NEXMIF: variants seen among roughly 807,000 people sequenced by gnomAD.
NEXMIF encodes the protein XLMR protein related to neurite extension.
In NEXMIF, 8 loss-of-function variants were observed where a neutral mutation model predicts 62.1. The observed-to-expected ratio is 0.13, with a 90% CI of 0.08 to 0.23. NEXMIF has a LOEUF of 0.23. NEXMIF is among the 10% of genes least tolerant of loss of function. The pLI, the probability that NEXMIF is intolerant of heterozygous loss-of-function variation, is 1.00. For synonymous variants in NEXMIF, 404 were observed against 416.6 expected (o/e 0.97, Z 0.37); for missense variants, 976 against 1,113.3 (o/e 0.88, Z 1.75).
chrX:74,823,016 G>A (rs1447591813), intron 1 of NEXMIF, among the ~76,000 whole-genome samples: 8 of 111,549 alleles, frequency 7.2e-5, no homozygotes, highest in Admixed American at 9.5e-5. Flanking sequence ...ATATTATTCC[G>A]CTGCAAAAAG....
chrX:74,887,598 T>TC (rs1249992267), intron 1 of NEXMIF, among the ~76,000 whole-genome samples: 7 of 111,092 alleles, frequency 6.3e-5, no homozygotes, highest in Admixed American at 2.9e-4. Context: ...CACAATGAGA[T>TC]ACCATCTCAC....
Position 74,742,836 on chromosome X carries a change from T to C in NEXMIF, c.1721A>G (p.Gln574Arg). ...TGCCAGCTTGGCATATTTGTTGAGC[T>C]GATTCTCACTCAAATTCACTGTTGT... ...SETTVNLSEN[Q>R]LNKYAKLAPL... is the part of the protein sequence containing the mutation. The change falls in exon 3 of 4, where the codon CAG (glutamine) becomes CGG (arginine). Residue 574 changes from glutamine (Q) to arginine (R), a missense_variant. Gln to Arg is a conservative substitution (Grantham distance 43, BLOSUM62 1). This residue lies in a region of NEXMIF where 639 missense variants were observed against 694.5 expected (regional missense o/e 0.92). Transcript: ENST00000055682. 3 of 1,211,581 alleles carry C rather than the reference T, an allele frequency of 2.5e-6. No individual in the cohort carries two copies. Among genetic ancestry groups the C allele is most frequent in the Non-Finnish European group, 3.4e-6 (3 of 895,359 alleles).
intron 1 of NEXMIF, among the ~76,000 whole-genome samples, chrX:74,836,317 G>A (rs1306356479): frequency 5.3e-5 from 6 of 112,614 alleles, no homozygotes; most frequent in African/African-American, 1.9e-4. Flanking sequence ...GGTGCAAGAC[G>A]AAGTCCCCTT....
intron 1 of NEXMIF, among the ~76,000 whole-genome samples, chrX:74,878,850 G>A (rs916412985): frequency 4.5e-5 from 5 of 112,105 alleles, no homozygotes; most frequent in Non-Finnish European, 7.5e-5. Flanking sequence ...GCTTCAGCTC[G>A]CGCATGGTGC....
rs187523550 is a variant in NEXMIF at position 74,758,390 on chromosome X, A to G, written c.-47-12693T>C. The stretch of plus-strand genomic sequence containing the variant: ...CTCATTTAGATAAAAAGTCTAGAAC[A>G]AGAGGACTCAAAACTGATTTAAAAA... On this transcript the variant is annotated intron_variant, in intron 1 of 3. Transcript: ENST00000055682. Among the ~76,000 whole-genome samples the G allele has an allele frequency of 6.3e-5, 7 of 111,688 alleles. No homozygotes were observed. In the Admixed American group the frequency reaches 6.7e-4, roughly 11 times the overall value.
chrX:74,791,458 C>T (rs2147464609), intron 1 of NEXMIF, among the ~76,000 whole-genome samples: 2 of 110,854 alleles, frequency 1.8e-5, no homozygotes, highest in Non-Finnish European at 3.8e-5. Context: ...TGTGTCTCTG[C>T]CTGGCTTTGG....
At chrX:74,884,001 T>G (rs1222677791) in intron 1 of NEXMIF, among the ~76,000 whole-genome samples, 1 of 112,081 alleles carries the variant, frequency 8.9e-6, no homozygotes, top group Non-Finnish European at 1.9e-5. Context: ...TCAACATTCT[T>G]AAAGAAAAGA....
chrX:74,872,104 C>T (rs2080603718), intron 1 of NEXMIF, among the ~76,000 whole-genome samples: 1 of 111,472 alleles, frequency 9.0e-6, no homozygotes, highest in African/African-American at 3.3e-5. Flanking sequence ...AAAGTATTAA[C>T]TTTGGAAACT....
intron 1 of NEXMIF, among the ~76,000 whole-genome samples, chrX:74,896,994 C>T (rs1371589117): frequency 8.9e-6 from 1 of 112,229 alleles, no homozygotes; most frequent in African/African-American, 3.2e-5. Flanking sequence ...TTGATATCTA[C>T]TAGCATACAA....
rs750696102 is a variant in NEXMIF at position 74,813,180 on chromosome X, A to C, written c.-47-67483T>G. On this transcript the variant is annotated intron_variant, in intron 1 of 3. Coordinates refer to ENST00000055682, the MANE Select transcript of NEXMIF (RefSeq NM_001008537.3). ...TAAGGAGGTGGAATAAGTAGATGGC[A>C]TAGCCTTAATTAAACAAAAGGAAGC... Among the ~76,000 whole-genome samples the C allele has an allele frequency of 4.5e-5, 5 of 110,887 alleles. No homozygotes were observed. In the East Asian group the frequency reaches 1.4e-3, roughly 31 times the overall value.
intron 1 of NEXMIF, among the ~76,000 whole-genome samples, chrX:74,911,265 C>A (rs1306549331): frequency 1.8e-5 from 2 of 111,217 alleles, no homozygotes; most frequent in Admixed American, 9.6e-5. Flanking sequence ...ACTAAAAATA[C>A]AAAAATTAGC....
rs1388842555 is a variant in NEXMIF at position 74,741,255 on chromosome X, C to A, written c.3302G>T (p.Gly1101Val). 2.5e-6 allele frequency: 3 copies of A among 1,211,232 alleles called. No homozygotes were observed. Among genetic ancestry groups the A allele is most frequent in the South Asian group, 1.8e-5 (1 of 56,941 alleles). ...CACACTGTCCAATGGTCCTGGGACACCCTCTTGGAACCCCTTTAGTGTTCC... is the reference window on the plus strand; with the variant it reads ...CACACTGTCCAATGGTCCTGGGACAACCTCTTGGAACCCCTTTAGTGTTCC... ...TLGTLKGFQE[G>V]VPGPLDSVEK... Residue 1101 changes from glycine (G) to valine (V), a missense_variant, in exon 3 of 4, where the codon GGT becomes GTT. By Grantham distance (109) the Gly-to-Val change is moderately radical. Transcript: ENST00000055682.
At position 74,742,081 on chromosome X, in the gene NEXMIF, T is replaced by C. The variant is rs930264514; in HGVS notation, c.2476A>G (p.Asn826Asp). Residue 826 changes from asparagine (N) to aspartate (D), a missense_variant, in exon 3 of 4, where the codon AAT becomes GAT. By Grantham distance (23) the Asn-to-Asp change is conservative (BLOSUM62 1). Around this residue, in one of 5 missense-constraint regions of NEXMIF, gnomAD observed 639 missense variants for 694.5 expected, o/e 0.92. Coordinates refer to ENST00000055682, the MANE Select transcript of NEXMIF (RefSeq NM_001008537.3). Reference sequence around the variant, plus strand: ...CTGAAGTATGAGATACTAGTGTTATTTGACAAGTCAGAAGCATCTAACAAT... The same window carrying C: ...CTGAAGTATGAGATACTAGTGTTATCTGACAAGTCAGAAGCATCTAACAAT... Reference protein sequence around the residue: ...QTLLDASDLSNNTSISYFSHH... With the variant: ...QTLLDASDLSDNTSISYFSHH... 4.1e-6 allele frequency: 5 copies of C among 1,209,765 alleles called. No homozygotes were observed. The highest frequency in any genetic ancestry group is 4.5e-6 in the Non-Finnish European group (4 of 894,958).
rs972038805 is a variant in NEXMIF at position 74,798,278 on chromosome X, T to A, written c.-47-52581A>T. Reference sequence around the variant, plus strand: ...AAAACAAAAAACCAAAACAAAATAATAAAAGAGTGCCTAACTCAGAAAGGC... The same window carrying A: ...AAAACAAAAAACCAAAACAAAATAAAAAAAGAGTGCCTAACTCAGAAAGGC... On this transcript the variant is annotated intron_variant, in intron 1 of 3. Coordinates refer to ENST00000055682, the MANE Select transcript of NEXMIF (RefSeq NM_001008537.3). Among the ~76,000 whole-genome samples, 9 of 111,580 alleles carry A rather than the reference T, an allele frequency of 8.1e-5. 1 individual carries two copies. In the Admixed American group the frequency reaches 8.6e-4, roughly 11 times the overall value.
chrX:74,780,025 C>T (rs944295527), intron 1 of NEXMIF, among the ~76,000 whole-genome samples: 1 of 112,073 alleles, frequency 8.9e-6, no homozygotes, highest in African/African-American at 3.2e-5. Flanking sequence ...TTACATTTTA[C>T]TAATTGCCTT....
intron 1 of NEXMIF, among the ~76,000 whole-genome samples, chrX:74,840,384 A>T (rs2080470121): frequency 8.9e-6 from 1 of 111,760 alleles, no homozygotes; most frequent in Non-Finnish European, 1.9e-5. Flanking sequence ...GAGAGGACAC[A>T]AATAAAGGGA....
At chrX:74,798,247 CAAACCAAAACAAA>C (rs929884079) in intron 1 of NEXMIF, among the ~76,000 whole-genome samples, 3 of 111,511 alleles carry the variant, frequency 2.7e-5, no homozygotes, top group Admixed American at 9.5e-5. Context: ...CACCAAAAAC[CAAACCAAAACAAA>C]AAACCAAAAC....
At chrX:74,873,068 C>A (rs901861044) in intron 1 of NEXMIF, among the ~76,000 whole-genome samples, 1 of 108,651 alleles carries the variant, frequency 9.2e-6, no homozygotes, top group African/African-American at 3.4e-5. Flanking sequence ...TATACATGTG[C>A]CATGCTGGTG....
intron 1 of NEXMIF, among the ~76,000 whole-genome samples, chrX:74,861,720 C>A (rs1210757913): frequency 9.0e-6 from 1 of 111,387 alleles, no homozygotes; most frequent in African/African-American, 3.3e-5. Flanking sequence ...AATTTCCAAC[C>A]CAGAATTTCA....
Sources: allele counts gnomAD v4.1 joint callset (sites outside exome capture counted in the v4.1 genomes callset), GRCh38; gene constraint gnomAD v4.1.1; regional missense constraint gnomAD v4.1.1; transcripts MANE v1.5; gene names NCBI Gene and HGNC (gene_info 2026-07-23, HGNC 2026-07-21).